The following SEL1L2 variants were observed in gnomAD, a reference collection of about 807,000 sequenced individuals.
SEL1L2 encodes SEL1L2 adaptor subunit of SYVN1 ubiquitin ligase, also known as protein sel-1 homolog 2.
A neutral mutation model predicts 98.8 loss-of-function variants in SEL1L2; 89 were observed. The observed-to-expected ratio is 0.90, with a 90% CI of 0.76 to 1.07. SEL1L2 has a LOEUF of 1.07. Among genes scored for constraint, SEL1L2 ranks in the 50% least tolerant of loss-of-function variants. The pLI, the probability that SEL1L2 is intolerant of heterozygous loss-of-function variation, is 0.00. For synonymous variants in SEL1L2, 262 were observed against 278.5 expected (o/e 0.94, Z 0.59); for missense variants, 788 against 812.0 (o/e 0.97, Z 0.36).
chr20:13,882,208 T>C (rs542286545), intron 10 of SEL1L2, among the ~76,000 whole-genome samples: 1 of 152,322 alleles, frequency 6.6e-6, no homozygotes, highest in African/African-American at 2.4e-5. Context: ...GCTGCAGTAA[T>C]AGCCTTTTGG....
chr20:13,872,438 TGCC>T (rs1472213300), intron 12 of SEL1L2, among the ~76,000 whole-genome samples: 1 of 152,210 alleles, frequency 6.6e-6, no homozygotes, highest in African/African-American at 2.4e-5. Flanking sequence ...TTCTCCTTGC[TGCC>T]GCCATGTGAA....
chr20:13,865,627 A>C, intron 15 of SEL1L2, 113 bp from the exon 16 acceptor site: 2 of 893,988 alleles, frequency 2.2e-6, no homozygotes, highest in Non-Finnish European at 3.4e-6. Context: ...GAAGGATTTT[A>C]GGTCTAAAAC....
chr20:13,920,839 A>G (rs2148242511), intron 3 of SEL1L2, among the ~76,000 whole-genome samples: 2 of 152,236 alleles, frequency 1.3e-5, no homozygotes, highest in South Asian at 2.1e-4. Context: ...AAATTTAAAA[A>G]CTAAAAAAAT....
At chr20:13,979,845 G>A (rs1270741198) in intron 1 of SEL1L2, among the ~76,000 whole-genome samples, 1 of 151,994 alleles carries the variant, frequency 6.6e-6, no homozygotes, top group Non-Finnish European at 1.5e-5. Context: ...GCAACAAAAT[G>A]AAAACAGACA....
intron 5 of SEL1L2, among the ~76,000 whole-genome samples, chr20:13,891,080 G>A (rs1164773044): frequency 2.6e-5 from 4 of 152,042 alleles, no homozygotes; most frequent in African/African-American, 7.2e-5. Flanking sequence ...GAGAGAAAGG[G>A]ACAGAGAGGA....
At chr20:13,889,339 G>A (rs1263916602) in intron 5 of SEL1L2, among the ~76,000 whole-genome samples, 2 of 152,000 alleles carry the variant, frequency 1.3e-5, no homozygotes, top group Admixed American at 1.3e-4. Flanking sequence ...TTTTATTAAG[G>A]CTGCAGGAAT....
At chr20:13,949,645 A>C (rs972877815) in intron 2 of SEL1L2, among the ~76,000 whole-genome samples, 1 of 150,272 alleles carries the variant, frequency 6.7e-6, no homozygotes, top group African/African-American at 2.5e-5. Context: ...CCTGGGCAAC[A>C]GAGTGAGACT....
chr20:13,859,154 C>A (rs1989650377), intron 18 of SEL1L2, 108 bp downstream of exon 18: 1 of 1,055,746 alleles, frequency 9.5e-7, no homozygotes, highest in African/African-American at 1.6e-5. Context: ...TAAGTCCTCT[C>A]CTTCCTTCCT....
intron 1 of SEL1L2, among the ~76,000 whole-genome samples, chr20:13,977,960 C>T (rs1465222345): frequency 1.3e-5 from 2 of 152,048 alleles, no homozygotes; most frequent in Non-Finnish European, 2.9e-5. Context: ...CAATCTCTAT[C>T]AATATCCCAA....
chr20:13,888,838 G>A (rs1043405914), intron 5 of SEL1L2, among the ~76,000 whole-genome samples: 2 of 149,776 alleles, frequency 1.3e-5, no homozygotes, highest in African/African-American at 4.9e-5. Flanking sequence ...AGTAGAGATG[G>A]GGCTTCACCC....
chr20:13,957,127 G>A lies in SEL1L2; in HGVS notation c.59-996C>T, dbSNP rs765553196. Among the ~76,000 whole-genome samples, 189 of 150,088 alleles carry A rather than the reference G, an allele frequency of 1.3e-3. 1 individual carries two copies. Among genetic ancestry groups the A allele is most frequent in the Middle Eastern group, 6.9e-3 (2 of 290 alleles). On this transcript the variant is annotated intron_variant, in intron 1 of 19. Transcript: ENST00000284951. ...TTCTACTTTTTTTTTTTTGGACACA[G>A]AGTCTCACTCTGTCACCCAAGCTGG... is the stretch of plus-strand genomic sequence containing the variant.
chr20:13,884,632 C>G (rs192404505), intron 10 of SEL1L2, among the ~76,000 whole-genome samples: 2 of 152,166 alleles, frequency 1.3e-5, no homozygotes, highest in African/African-American at 4.8e-5. Flanking sequence ...CTCAGCTTCC[C>G]GAGTAGCTGA....
intron 5 of SEL1L2, among the ~76,000 whole-genome samples, chr20:13,913,062 T>C (rs1000622438): frequency 7.9e-5 from 12 of 152,202 alleles, no homozygotes; most frequent in African/African-American, 2.9e-4. Flanking sequence ...TGACTGCAAG[T>C]CTAGCTTCTG....
chr20:13,901,755 A>G lies in SEL1L2; in HGVS notation c.549+12027T>C, dbSNP rs551480982. 4.8e-4 allele frequency among the ~76,000 whole-genome samples: 72 copies of G among 149,878 alleles called. No homozygotes were observed. In the South Asian group the frequency reaches 0.013, roughly 28 times the overall value. ...CAGCTCACTGCAAGCTCTGCCTCCC[A>G]GGTTCCCGCCATTCTCCTGCCTCAG... On this transcript the variant is annotated intron_variant, in intron 5 of 19. Transcript: ENST00000284951.
At chr20:13,884,569 A>G (rs1383306289) in intron 10 of SEL1L2, among the ~76,000 whole-genome samples, 1 of 152,092 alleles carries the variant, frequency 6.6e-6, no homozygotes, top group African/African-American at 2.4e-5. Flanking sequence ...GTGCAGTGGC[A>G]TGATCTGGGC....
At chr20:13,975,194 G>T (rs138435562) in intron 1 of SEL1L2, among the ~76,000 whole-genome samples, 1 of 152,144 alleles carries the variant, frequency 6.6e-6, no homozygotes, top group African/African-American at 2.4e-5. Flanking sequence ...ATAAAAAACT[G>T]ATTGTCACTA....
intron 12 of SEL1L2, among the ~76,000 whole-genome samples, chr20:13,873,243 GC>G (rs1333244360): frequency 6.6e-6 from 1 of 152,084 alleles, no homozygotes; most frequent in Non-Finnish European, 1.5e-5. Context: ...ACCAGCCTCA[GC>G]CTCCCAAAGT....
intron 1 of SEL1L2, among the ~76,000 whole-genome samples, chr20:13,980,736 A>C (rs1451829145): frequency 6.6e-6 from 1 of 152,204 alleles, no homozygotes; most frequent in Non-Finnish European, 1.5e-5. Flanking sequence ...GAAACAACCT[A>C]AGTGTCCATC....
At chr20:13,946,262 A>T (rs2050002179) in intron 2 of SEL1L2, among the ~76,000 whole-genome samples, 1 of 152,220 alleles carries the variant, frequency 6.6e-6, no homozygotes, top group South Asian at 2.1e-4. Flanking sequence ...TACACAAAAA[A>T]ACTGCTACAT....
Sources: gnomAD v4.1 joint callset for allele counts (sites outside exome capture counted in the v4.1 genomes callset) on GRCh38, gnomAD v4.1.1 for gene constraint, MANE v1.5 for transcripts, NCBI Gene and HGNC (gene_info 2026-07-23, HGNC 2026-07-21) for gene names.